TTC39B: variants seen among roughly 807,000 people sequenced by gnomAD.
TTC39B encodes the protein tetratricopeptide repeat protein 39B.
A neutral mutation model predicts 96.6 loss-of-function variants in TTC39B; 92 were observed. The observed-to-expected ratio is 0.95, with a 90% CI of 0.80 to 1.13. The LOEUF is 1.13. Among genes scored for constraint, TTC39B ranks in the 50% most tolerant of loss-of-function variants. The pLI is 0.00. For missense variants in TTC39B, 955 were observed against 809.3 expected, an observed-to-expected ratio of 1.18 and a Z score of -2.18; for synonymous variants, 367 against 299.4, an observed-to-expected ratio of 1.23 and a Z score of -2.33.
intron 2 of TTC39B, among the ~76,000 whole-genome samples, chr9:15,267,011 G>A (rs1006931986): frequency 1.3e-5 from 2 of 152,104 alleles, no homozygotes; most frequent in African/African-American, 2.4e-5. Context: ...CCTGGGAGGC[G>A]GAGCTTGCAG....
intron 16 of TTC39B, 94 bp downstream of exon 16, chr9:15,185,186 G>C: frequency 6.9e-7 from 1 of 1,447,142 alleles, no homozygotes; most frequent in Non-Finnish European, 9.2e-7. Context: ...GTTTTTAAAT[G>C]AGCTAAACTT....
chr9:15,301,642 G>A (rs1824593992), intron 1 of TTC39B, among the ~76,000 whole-genome samples: 1 of 152,022 alleles, frequency 6.6e-6, no homozygotes, highest in Non-Finnish European at 1.5e-5. Context: ...TGTAACCCCA[G>A]CTACTCGGGA....
intron 13 of TTC39B, 79 bp from the exon 14 acceptor site, chr9:15,188,211 A>T: frequency 7.0e-7 from 1 of 1,432,808 alleles, no homozygotes; most frequent in East Asian, 2.4e-5. Flanking sequence ...TACATAAAAC[A>T]CTTAGTACAA....
chr9:15,221,289 C>T (rs989749842), intron 3 of TTC39B, among the ~76,000 whole-genome samples: 1 of 152,170 alleles, frequency 6.6e-6, no homozygotes, highest in African/African-American at 2.4e-5. Context: ...AGAGCTCTCC[C>T]TCCCACCACT....
At chr9:15,206,114 C>T (rs1051897398) in intron 6 of TTC39B, among the ~76,000 whole-genome samples, 65 of 152,216 alleles carry the variant, frequency 4.3e-4, no homozygotes, top group African/African-American at 1.6e-3. Flanking sequence ...ACAGAAAAGG[C>T]ATGAGAGTTT....
chr9:15,229,091 G>A lies in TTC39B; in HGVS notation c.276-3079C>T, dbSNP rs118160449. 5.5e-3 allele frequency among the ~76,000 whole-genome samples: 841 copies of A among 152,234 alleles called. 6 individuals carry two copies. Among genetic ancestry groups the A allele is most frequent in the Non-Finnish European group, 8.5e-3 (581 of 68,014 alleles). On this transcript the variant is annotated intron_variant, in intron 2 of 19. Transcript: ENST00000512701. ...ACATAACCCATTTATTGAAAGTACT[G>A]TCTAGTGTTTTAAGAATGCATTTTC...
chr9:15,238,097 A>G (rs1044784559), intron 2 of TTC39B, among the ~76,000 whole-genome samples: 4 of 152,206 alleles, frequency 2.6e-5, no homozygotes, highest in African/African-American at 9.6e-5. Flanking sequence ...CAAACCAGGC[A>G]TCAAAGAAAC....
Position 15,307,075 on chromosome 9 carries a change from G to A in TTC39B, c.240+9C>T, listed in dbSNP as rs1198848432. ...AGGGGCCGGGCCCGCAATCCCCATC[G>A]GATCGTACCTCGTCCGCTTCCAGCT... On this transcript the variant is annotated intron_variant, in intron 1 of 19. Transcript: ENST00000512701. 9.3e-6 allele frequency: 15 copies of A among 1,609,274 alleles called. No individual in the cohort carries two copies. The highest frequency in any genetic ancestry group is 1.3e-5 in the Non-Finnish European group (15 of 1,178,034).
At chr9:15,248,493 G>A (rs950244442) in intron 2 of TTC39B, among the ~76,000 whole-genome samples, 1 of 152,062 alleles carries the variant, frequency 6.6e-6, no homozygotes, top group African/African-American at 2.4e-5. Flanking sequence ...GTTTTTTAAT[G>A]CCCTCTTCAT....
intron 1 of TTC39B, among the ~76,000 whole-genome samples, chr9:15,295,502 T>C (rs987659599): frequency 6.6e-6 from 1 of 152,202 alleles, no homozygotes; most frequent in Non-Finnish European, 1.5e-5. Flanking sequence ...ATCACTTCCC[T>C]TCTGCTTCTT....
chr9:15,250,092 C>G, intron 2 of TTC39B: 1 of 1,271,234 alleles, frequency 7.9e-7, no homozygotes, highest in Non-Finnish European at 1.0e-6. Context: ...CAGTGAGACT[C>G]TCAATTCTCA....
chr9:15,244,810 G>T (rs904502058), intron 2 of TTC39B, among the ~76,000 whole-genome samples: 4 of 151,696 alleles, frequency 2.6e-5, no homozygotes, highest in Non-Finnish European at 4.4e-5. Context: ...GTTTTCAGTG[G>T]GACACTGAAT....
In TTC39B at chr9:15,257,850, G is replaced by A. The variant is rs956783369; in HGVS notation, c.275+10064C>T. 4.0e-5 allele frequency among the ~76,000 whole-genome samples: 6 copies of A among 151,762 alleles called. 1 individual carries two copies. Among genetic ancestry groups the A allele is most frequent in the Admixed American group, 6.6e-5 (1 of 15,240 alleles). On this transcript the variant is annotated intron_variant, in intron 2 of 19. Transcript: ENST00000512701. ...CGAGGTGGGTGGATCATCTGAGATC[G>A]GGAGTTCGAGACCAGCCTGACTAAC...
chr9:15,194,670 C>T (rs1467867655), intron 8 of TTC39B, among the ~76,000 whole-genome samples: 1 of 152,194 alleles, frequency 6.6e-6, no homozygotes, highest in Admixed American at 6.5e-5. Flanking sequence ...GTTTCAGGGT[C>T]ACATTTCAGT....
intron 18 of TTC39B, among the ~76,000 whole-genome samples, chr9:15,176,985 A>G (rs1195863603): frequency 6.6e-6 from 1 of 152,174 alleles, no homozygotes. Context: ...ATACAGAAGA[A>G]CTGCCCTTTG....
At chr9:15,291,137 G>T (rs1587018943) in intron 1 of TTC39B, among the ~76,000 whole-genome samples, 1 of 152,300 alleles carries the variant, frequency 6.6e-6, no homozygotes, top group Admixed American at 6.5e-5. Flanking sequence ...CTCTCTTGTG[G>T]AAACACATTG....
intron 1 of TTC39B, among the ~76,000 whole-genome samples, chr9:15,297,162 G>A (rs147631625): frequency 3.3e-5 from 5 of 152,228 alleles, no homozygotes; most frequent in Admixed American, 6.5e-5. Flanking sequence ...ACTTCACCAC[G>A]CCTGAGGAGC....
intron 1 of TTC39B, among the ~76,000 whole-genome samples, chr9:15,274,299 AT>A (rs1006563113): frequency 1.3e-5 from 2 of 152,192 alleles, no homozygotes; most frequent in African/African-American, 4.8e-5. Context: ...TCTGTAATCT[AT>A]TTGTCAAGTT....
At chr9:15,237,929 T>C (rs768581253) in intron 2 of TTC39B, among the ~76,000 whole-genome samples, 16 of 152,136 alleles carry the variant, frequency 1.1e-4, no homozygotes, top group Admixed American at 3.3e-4. Context: ...ATCAAAAATA[T>C]AATTCATCAC....
Sources: allele counts gnomAD v4.1 joint callset (sites outside exome capture counted in the v4.1 genomes callset), GRCh38; gene constraint gnomAD v4.1.1; transcripts MANE v1.5; gene names NCBI Gene and HGNC (gene_info 2026-07-23, HGNC 2026-07-21).